Variants in EPRS1 observed in about 807,000 individuals in gnomAD.
EPRS1 encodes the protein bifunctional glutamate/proline--tRNA ligase.
A neutral mutation model predicts 188.3 loss-of-function variants in EPRS1; 107 were observed. That is an observed-to-expected ratio of 0.57 (90% confidence interval 0.49 to 0.67). EPRS1 has a LOEUF of 0.67. Ranked by LOEUF, EPRS1 falls within the 30% of genes least tolerant of loss-of-function variation. The pLI is 0.00. For missense variants in EPRS1, 1,577 were observed against 1,802.2 expected (o/e 0.88, Z 2.26); for synonymous variants, 596 against 593.1 (o/e 1.00, Z -0.07).
intron 20 of EPRS1, among the ~76,000 whole-genome samples, chr1:219,985,052 A>AC (rs1660980211): frequency 6.7e-6 from 1 of 149,758 alleles, no homozygotes; most frequent in African/African-American, 2.5e-5. Context: ...CTCAAAAGAA[A>AC]AAAAAAAAAA....
chr1:219,993,161 C>T (rs959585613), intron 18 of EPRS1, among the ~76,000 whole-genome samples: 1 of 151,340 alleles, frequency 6.6e-6, no homozygotes, highest in African/African-American at 2.4e-5. Context: ...CTTGGGAGGT[C>T]GAGGCTGCAG....
At chr1:220,025,428 GAAA>G (rs11340220) in intron 6 of EPRS1, among the ~76,000 whole-genome samples, 170 bp from the exon 7 acceptor site, 2 of 148,224 alleles carry the variant, frequency 1.3e-5, no homozygotes, top group African/African-American at 2.5e-5. Flanking sequence ...ACCCTGACAG[GAAA>G]AAAAAAAAAG....
At position 220,006,730 on chromosome 1, in the gene EPRS1, G is replaced by A. The variant is rs377627943; in HGVS notation, c.1743-417C>T. ...AAGATTTCAGAGTTTGCATAAATCA[G>A]TCTTAAGCATACTATGTTTCATTTA... On this transcript the variant is annotated intron_variant, in intron 14 of 31. Coordinates refer to ENST00000366923, the MANE Select transcript of EPRS1 (RefSeq NM_004446.3). 6.6e-5 allele frequency among the ~76,000 whole-genome samples: 10 copies of A among 152,264 alleles called. No individual in the cohort carries two copies. In the East Asian group the frequency reaches 1.2e-3, roughly 18 times the overall value.
chr1:220,027,859 T>C (rs1191824156), intron 6 of EPRS1, among the ~76,000 whole-genome samples: 1 of 151,518 alleles, frequency 6.6e-6, no homozygotes, highest in African/African-American at 2.4e-5. Context: ...AATTAAAAAT[T>C]TTTTAAAAAA....
intron 12 of EPRS1, among the ~76,000 whole-genome samples, chr1:220,011,851 A>C (rs77161499): frequency 0.023 from 3,505 of 152,330 alleles, 75 homozygotes; most frequent in East Asian, 0.068. Context: ...CAATGTTTAG[A>C]CACTATATAT....
chr1:219,982,121 A>AATT (rs1660911204), intron 23 of EPRS1, among the ~76,000 whole-genome samples: 1 of 152,240 alleles, frequency 6.6e-6, no homozygotes, highest in African/African-American at 2.4e-5. Flanking sequence ...ATTATACAAA[A>AATT]GTATCACTAG....
At position 220,036,471 on chromosome 1, in the gene EPRS1, G is replaced by A. The variant is rs111917077; in HGVS notation, c.132-1458C>T. On this transcript the variant is annotated intron_variant, in intron 2 of 31. Coordinates refer to ENST00000366923, the MANE Select transcript of EPRS1 (RefSeq NM_004446.3). ...TGACACACTGGATAAAGAAAATGTG[G>A]TACATATATACCACAGAATACTATG... Among the ~76,000 whole-genome samples, 712 of 151,570 alleles carry A rather than the reference G, an allele frequency of 4.7e-3. 2 individuals are homozygous for A. The highest frequency in any genetic ancestry group is 0.031 in the Middle Eastern group (9 of 294).
chr1:220,029,949 C>A (rs1214870218), intron 6 of EPRS1, among the ~76,000 whole-genome samples: 2 of 152,166 alleles, frequency 1.3e-5, no homozygotes, highest in African/African-American at 4.8e-5. Flanking sequence ...TAGGAACAGG[C>A]TTTTCAGGAC....
intron 16 of EPRS1, among the ~76,000 whole-genome samples, chr1:220,004,269 A>G (rs976295573): frequency 1.1e-4 from 17 of 152,174 alleles, no homozygotes; most frequent in Admixed American, 6.5e-5. Flanking sequence ...CCTGGCCTCA[A>G]GTAATCCTCT....
At chr1:220,032,891 TATATATACACACAC>T (rs2102596682) in intron 4 of EPRS1, among the ~76,000 whole-genome samples, 1 of 152,280 alleles carries the variant, frequency 6.6e-6, no homozygotes, top group Non-Finnish European at 1.5e-5. Flanking sequence ...TGTGTGTATG[TATATATACACACAC>T]ATATATATGT....
chr1:219,990,830 G>C lies in EPRS1; in HGVS notation c.2542-2007C>G, dbSNP rs909640900. Among the ~76,000 whole-genome samples, 15 of 152,264 alleles carry C rather than the reference G, an allele frequency of 9.9e-5. 1 individual carries two copies. The East Asian group carries it at 1.2e-3, about 12-fold the overall frequency. ...AAAGGCATTTACAAAGAGGAATTGG[G>C]TGGTATACTATGATTTAGTACAATA... On this transcript the variant is annotated intron_variant, in intron 18 of 31. Transcript: ENST00000366923.
chr1:219,969,224 T>C (rs568076264), intron 30 of EPRS1, 102 bp from the exon 31 acceptor site: 2 of 821,556 alleles, frequency 2.4e-6, no homozygotes, highest in Non-Finnish European at 4.0e-6. Context: ...GCAAAAAGGA[T>C]AGGTCTCCCA....
chr1:220,045,607 G>C (rs1220680027), intron 1 of EPRS1, among the ~76,000 whole-genome samples: 1 of 152,078 alleles, frequency 6.6e-6, no homozygotes, highest in Non-Finnish European at 1.5e-5. Flanking sequence ...CAATAATCTT[G>C]GTCATGTCGA....
In EPRS1 at chr1:219,983,058, T is replaced by C. The variant is rs559191041; in HGVS notation, c.3300+131A>G. ...TTAATGTAACAAAATCATTACTTGC[T>C]ATAAAGGTAGAAACAGAACTTTTTA... On this transcript the variant is annotated intron_variant, in intron 22 of 31. Transcript: ENST00000366923. 27 of 783,586 alleles carry C rather than the reference T, an allele frequency of 3.4e-5. 1 individual carries two copies. The South Asian group carries it at 4.6e-4, about 13-fold the overall frequency. The allele number at this position is 783,586 out of a possible 1,614,324, so 48.5% of individuals were successfully genotyped here. A position where few individuals can be genotyped will look rare whatever the true frequency, so the allele number is the denominator to read the frequency against.
intron 8 of EPRS1, 44 bp from the exon 9 acceptor site, chr1:220,022,562 T>A: frequency 7.0e-7 from 1 of 1,422,856 alleles, no homozygotes; most frequent in Non-Finnish European, 9.7e-7. Flanking sequence ...TCTGGTTAAA[T>A]TCAAATTATT....
In EPRS1 at chr1:220,019,043, C is replaced by T. The variant is rs781175932; in HGVS notation, c.1386G>A (p.Leu462=). The part of the protein sequence containing the change: ...DPRFPTVRGV[L]RRGMTVEGLK... ...GTCCTTCAACTGTCATCCCTCTTCT[C>T]AGTACACCACGAACCGTAGGAAATC... is the stretch of plus-strand genomic sequence containing the variant. The change falls in exon 11 of 32, where the codon CTG becomes CTA. Residue 462 remains leucine (L), a synonymous_variant. Transcript: ENST00000366923. 1 of 1,613,390 alleles carries T rather than the reference C, an allele frequency of 6.2e-7. No homozygotes were observed. Among genetic ancestry groups the T allele is most frequent in the Non-Finnish European group, 8.5e-7 (1 of 1,179,448 alleles).
intron 20 of EPRS1, among the ~76,000 whole-genome samples, chr1:219,985,593 C>T (rs887089697): frequency 2.6e-5 from 4 of 151,560 alleles, no homozygotes; most frequent in African/African-American, 9.7e-5. Flanking sequence ...TTAGTAGAGG[C>T]GGAGCTTTGA....
At chr1:219,986,377 T>C (rs1463410673) in intron 20 of EPRS1, among the ~76,000 whole-genome samples, 1 of 152,248 alleles carries the variant, frequency 6.6e-6, no homozygotes, top group African/African-American at 2.4e-5. Flanking sequence ...TATTTTTATA[T>C]GGAAAACCAA....
intron 25 of EPRS1, among the ~76,000 whole-genome samples, chr1:219,980,489 TAAGA>T (rs1222959484): frequency 9.9e-5 from 15 of 152,160 alleles, no homozygotes; most frequent in Admixed American, 2.0e-4. Flanking sequence ...AAATAAATGT[TAAGA>T]AAGATATACA....
Sources: allele counts gnomAD v4.1 joint callset (sites outside exome capture counted in the v4.1 genomes callset), GRCh38; gene constraint gnomAD v4.1.1; transcripts MANE v1.5; gene names NCBI Gene and HGNC (gene_info 2026-07-23, HGNC 2026-07-21).